Variants in CRYM observed in about 807,000 individuals in gnomAD.
CRYM encodes the protein ketimine reductase mu-crystallin.
A neutral mutation model predicts 32.9 loss-of-function variants in CRYM; 18 were observed. The observed-to-expected ratio is 0.55, with a 90% CI of 0.38 to 0.81. The LOEUF is 0.81. Among genes scored for constraint, CRYM ranks in the 30% least tolerant of loss-of-function variants. The probability of loss-of-function intolerance (pLI) is 0.00; values close to 1 mark genes in which losing one functional copy is unlikely to be tolerated. For synonymous variants in CRYM, 153 were observed against 152.4 expected (o/e 1.00, Z -0.03); for missense variants, 337 against 393.5 (o/e 0.86, Z 1.21).
intron 1 of CRYM, among the ~76,000 whole-genome samples, chr16:21,295,086 G>A (rs1960759613): frequency 6.6e-6 from 1 of 152,154 alleles, no homozygotes; most frequent in Non-Finnish European, 1.5e-5. Flanking sequence ...CATTTGGGTT[G>A]GTTCCACGTC....
In CRYM at chr16:21,269,766, T is replaced by TTCCCCCCCCCCCC; in HGVS notation, c.489+23_489+24insGGGGGGGGGGGGA. The stretch of plus-strand genomic sequence containing the variant: ...AAGGACCACCCCCTTCCCTCTTCTC[T>TTCCCCCCCCCCCC]CCCACCCCCACCCCTGGACTTACCT... On this transcript the variant is annotated intron_variant, in intron 4 of 7. Transcript: ENST00000572914. 4 of 690,472 alleles carry TTCCCCCCCCCCCC rather than the reference T, an allele frequency of 5.8e-6. No homozygotes were observed. The Admixed American group carries it at 5.9e-5, about 10-fold the overall frequency. The allele number at this position is 690,472 out of a possible 1,614,324, so 42.8% of individuals were successfully genotyped here.
chr16:21,267,468 C>T, intron 5 of CRYM, 86 bp downstream of exon 5: 1 of 1,381,956 alleles, frequency 7.2e-7, no homozygotes, highest in South Asian at 1.2e-5. Flanking sequence ...CATGAATAAA[C>T]TGGCTCTGCA....
chr16:21,276,263 C>T (rs933212665), intron 2 of CRYM, among the ~76,000 whole-genome samples: 1 of 152,150 alleles, frequency 6.6e-6, no homozygotes, highest in Non-Finnish European at 1.5e-5. Flanking sequence ...AAGTGAATCA[C>T]GAAGTCACTG....
upstream of CRYM, among the ~76,000 whole-genome samples, chr16:21,281,642 T>G (rs1446944555): frequency 6.6e-6 from 1 of 152,198 alleles, no homozygotes; most frequent in African/African-American, 2.4e-5. Context: ...GAGACTGATT[T>G]CAGTAACTTT....
At chr16:21,272,730 A>C (rs1303195355) in intron 3 of CRYM, among the ~76,000 whole-genome samples, 2 of 149,066 alleles carry the variant, frequency 1.3e-5, no homozygotes, top group Non-Finnish European at 3.0e-5. Context: ...GCTCACTGTA[A>C]CCTCCGCCTC....
At chr16:21,285,807 T>C (rs2093406273) in intron 1 of CRYM, among the ~76,000 whole-genome samples, 1 of 152,228 alleles carries the variant, frequency 6.6e-6, no homozygotes, top group Admixed American at 6.5e-5. Flanking sequence ...ACCCAATTTT[T>C]GTAAGCTATG....
At chr16:21,260,671 C>T (rs2093352785) in intron 7 of CRYM, among the ~76,000 whole-genome samples, 1 of 152,130 alleles carries the variant, frequency 6.6e-6, no homozygotes, top group Non-Finnish European at 1.5e-5. Flanking sequence ...ACAGACTGGC[C>T]ACTGGGAGCC....
chr16:21,275,548 G>C lies in CRYM; in HGVS notation c.371C>G (p.Ser124Cys), dbSNP rs1390469804. ...TCATCTTACCTTGGTGGCAATGGCAGAAACTGCAGCTGTTCTCTTTGCAGT... is the reference window on the plus strand; with the variant it reads ...TCATCTTACCTTGGTGGCAATGGCACAAACTGCAGCTGTTCTCTTTGCAGT... Reference protein sequence around the residue: ...VITAKRTAAVSAIATKFLKPP... With the variant: ...VITAKRTAAVCAIATKFLKPP... Residue 124 changes from serine to cysteine, a missense_variant, in exon 3 of 8, where the codon TCT (serine) becomes TGT (cysteine). Physicochemically the swap from Ser to Cys is moderately radical, Grantham distance 112. Coordinates refer to ENST00000572914, the MANE Select transcript of CRYM (RefSeq NM_001376256.1). The C allele has an allele frequency of 1.2e-6, 2 of 1,614,034 alleles. No homozygotes were observed. Among genetic ancestry groups the C allele is most frequent in the East Asian group, 2.2e-5 (1 of 44,880 alleles).
At chr16:21,282,514 A>G (rs1350771131), upstream of CRYM, among the ~76,000 whole-genome samples, 2 of 152,204 alleles carry the variant, frequency 1.3e-5, no homozygotes, top group African/African-American at 4.8e-5. Context: ...AGAAAGCCAG[A>G]TATTTATTTG....
chr16:21,269,959 G>T, intron 3 of CRYM, 68 bp from the exon 4 acceptor site: 1 of 1,077,072 alleles, frequency 9.3e-7, no homozygotes, highest in Non-Finnish European at 1.4e-6. Flanking sequence ...AACTAAGATG[G>T]TTTGAGTATC....
intron 3 of CRYM, among the ~76,000 whole-genome samples, chr16:21,274,223 G>C (rs750096858): frequency 2.6e-5 from 4 of 152,140 alleles, no homozygotes; most frequent in Non-Finnish European, 5.9e-5. Flanking sequence ...TAAAAATGCT[G>C]TTTTTCTTAT....
At chr16:21,288,032 G>A (rs573649408) in intron 1 of CRYM, among the ~76,000 whole-genome samples, 8 of 152,146 alleles carry the variant, frequency 5.3e-5, no homozygotes, top group Non-Finnish European at 1.0e-4. Context: ...TAACTTATAA[G>A]CTTAAGCAAC....
At position 21,258,586 on chromosome 16, in the gene CRYM, T is replaced by C. The variant is rs1317251628; in HGVS notation, c.*195A>G. 2 of 633,716 alleles carry C rather than the reference T, an allele frequency of 3.2e-6. No individual in the cohort carries two copies. The highest frequency in any genetic ancestry group is 1.8e-5 in the African/African-American group (1 of 54,924). 39.3% of individuals were successfully genotyped at this position (633,716 alleles called of 1,614,324 possible). The stretch of plus-strand genomic sequence containing the variant: ...GGAAATGAATGCTATTATAACTTGG[T>C]AGAACAGAAGAAATGGCTACCTAGC... On this transcript the variant is annotated 3_prime_UTR_variant, in exon 8 of 8. Transcript: ENST00000572914.
upstream of CRYM, chr16:21,278,291 G>T: frequency 1.3e-6 from 2 of 1,557,952 alleles, no homozygotes; most frequent in African/African-American, 1.4e-5. Context: ...TCCGCACCGC[G>T]ATCCACGTAC....
At chr16:21,280,277 G>C (rs924009043), upstream of CRYM, among the ~76,000 whole-genome samples, 1 of 152,158 alleles carries the variant, frequency 6.6e-6, no homozygotes, top group South Asian at 2.1e-4. Context: ...CTACCCAGGA[G>C]GCTGAGGCAG....
At chr16:21,261,966 G>A in intron 6 of CRYM, 71 bp downstream of exon 6, 1 of 1,604,934 alleles carries the variant, frequency 6.2e-7, no homozygotes, top group Non-Finnish European at 8.5e-7. Context: ...TGGAAGGGAA[G>A]TTAATGAAAC....
chr16:21,262,032 C>G lies in CRYM; in HGVS notation c.795+5G>C, dbSNP rs2093355466. The G allele has an allele frequency of 5.6e-6, 9 of 1,613,820 alleles. No homozygotes were observed. Among genetic ancestry groups the G allele is most frequent in the Non-Finnish European group, 6.8e-6 (8 of 1,179,832 alleles). On this transcript the variant is annotated splice_donor_5th_base_variant and intron_variant, in intron 6 of 7. Coordinates refer to ENST00000572914, the MANE Select transcript of CRYM (RefSeq NM_001376256.1). ...CAGCCCTGACTGGGGTCAGAAGGGC[C>G]TCACCCCTGACAGCAGGACATCTCC...
chr16:21,271,233 G>T (rs2093374840), intron 3 of CRYM, among the ~76,000 whole-genome samples: 1 of 152,132 alleles, frequency 6.6e-6, no homozygotes, highest in South Asian at 2.1e-4. Flanking sequence ...AACTAAAAAC[G>T]TCTGCACACT....
intron 1 of CRYM, among the ~76,000 whole-genome samples, chr16:21,290,265 G>A (rs760219989): frequency 4.6e-5 from 7 of 152,130 alleles, no homozygotes; most frequent in African/African-American, 7.2e-5. Context: ...CACTAACCAC[G>A]AAGGTTGTAG....
Sources: gnomAD v4.1 joint callset for allele counts (sites outside exome capture counted in the v4.1 genomes callset) on GRCh38, gnomAD v4.1.1 for gene constraint, MANE v1.5 for transcripts, NCBI Gene and HGNC (gene_info 2026-07-23, HGNC 2026-07-21) for gene names.